Variants in CABIN1 observed in about 807,000 individuals in gnomAD.
CABIN1 encodes calcineurin binding protein 1, also known as calcineurin-binding protein cabin-1.
Under a neutral mutation model 227.7 loss-of-function variants are expected in CABIN1, and 133 were observed. The observed-to-expected ratio is 0.58, with a 90% CI of 0.51 to 0.67. The LOEUF (loss-of-function observed/expected upper bound fraction) is 0.67. Among genes scored for constraint, CABIN1 ranks in the 30% least tolerant of loss-of-function variants. The probability of loss-of-function intolerance (pLI) is 0.00; values close to 1 mark genes in which losing one functional copy is unlikely to be tolerated. For missense variants in CABIN1, 2,408 were observed against 2,852.5 expected (o/e 0.84, Z 3.55); for synonymous variants, 1,086 against 1,155.1 (o/e 0.94, Z 1.21).
At chr22:24,108,792 C>T (rs2042652239) in intron 26 of CABIN1, among the ~76,000 whole-genome samples, 1 of 152,174 alleles carries the variant, frequency 6.6e-6, no homozygotes, top group Admixed American at 6.5e-5. Context: ...CTTTGACAGG[C>T]CTGTTGTGTC....
chr22:24,041,425 T>G, intron 5 of CABIN1, 152 bp downstream of exon 5: 1 of 957,406 alleles, frequency 1.0e-6, no homozygotes, highest in South Asian at 1.4e-5. Context: ...CCATAGGTGA[T>G]AACAATTAGT....
At chr22:24,126,030 A>G (rs2043702812) in intron 28 of CABIN1, among the ~76,000 whole-genome samples, 1 of 152,174 alleles carries the variant, frequency 6.6e-6, no homozygotes, top group South Asian at 2.1e-4. Context: ...TTTATTACCA[A>G]TAATATTGTT....
intron 1 of CABIN1, among the ~76,000 whole-genome samples, chr22:24,014,120 A>C (rs968041822): frequency 2.6e-5 from 4 of 152,226 alleles, no homozygotes; most frequent in African/African-American, 9.6e-5. Flanking sequence ...CTCGTTCTCC[A>C]CAAATTTGCT....
rs372502943 is a variant in CABIN1 at position 24,084,598 on chromosome 22, A to T, written c.2930A>T (p.Asp977Val). 6.2e-7 allele frequency: 1 copy of T among 1,613,094 alleles called. No homozygotes were observed. Among genetic ancestry groups the T allele is most frequent in the Non-Finnish European group, 8.5e-7 (1 of 1,179,694 alleles). Reference protein sequence around the residue: ...SAQQVDLIWEDALFMFEYFKP... With the variant: ...SAQQVDLIWEVALFMFEYFKP... ...TTCAAGGTGGATCTTATATGGGAGGATGCACTGTTCATGTTTGAGTATTTT... is the reference window on the plus strand; with the variant it reads ...TTCAAGGTGGATCTTATATGGGAGGTTGCACTGTTCATGTTTGAGTATTTT... Residue 977 changes from aspartate (D) to valine (V), a missense_variant, in exon 21 of 37, where the codon GAT becomes GTT. Transcript: ENST00000263119.
At chr22:24,166,408 G>A (rs930697055) in intron 31 of CABIN1, among the ~76,000 whole-genome samples, 1 of 152,244 alleles carries the variant, frequency 6.6e-6, no homozygotes, top group Non-Finnish European at 1.5e-5. Context: ...ACCTGGAAGA[G>A]TGTGGTGGGG....
intron 3 of CABIN1, 25 bp from the exon 4 acceptor site, chr22:24,038,323 A>C (rs1230703853): frequency 6.3e-7 from 1 of 1,582,242 alleles, no homozygotes; most frequent in Non-Finnish European, 8.7e-7. Context: ...TGCTGTATGA[A>C]AACATCTCTT....
intron 7 of CABIN1, 117 bp downstream of exon 7, chr22:24,049,337 C>T (rs986645725): frequency 8.8e-6 from 11 of 1,251,270 alleles, no homozygotes; most frequent in African/African-American, 1.5e-5. Context: ...TGCTCTGGGG[C>T]TTCATGCCCT....
chr22:24,178,411 AGCCATGTGAAGGTGGATTGGTC>A lies in CABIN1; in HGVS notation c.*221_*242del. On this transcript the variant is annotated 3_prime_UTR_variant, in exon 37 of 37. Coordinates refer to ENST00000263119, the MANE Select transcript of CABIN1 (RefSeq NM_012295.4). ...GCCCAGAGGAGGAGGGGCCCGCCTT[AGCCATGTGAAGGTGGATTGGTC>A]GCCATCTGCACGCCAGGCGGCATCC... 1 of 596,908 alleles carries A rather than the reference AGCCATGTGAAGGTGGATTGGTC, an allele frequency of 1.7e-6. No homozygotes were observed. The highest frequency in any genetic ancestry group is 2.9e-6 in the Non-Finnish European group (1 of 339,728). The allele number at this position is 596,908 out of a possible 1,614,324, so 37.0% of individuals were successfully genotyped here.
intron 27 of CABIN1, among the ~76,000 whole-genome samples, chr22:24,115,033 A>G (rs1250542863): frequency 7.9e-5 from 12 of 152,278 alleles, no homozygotes; most frequent in African/African-American, 2.4e-5. Context: ...TGTAACTGAC[A>G]TAAACACACT....
At chr22:24,150,174 G>A (rs2045397966) in intron 29 of CABIN1, among the ~76,000 whole-genome samples, 1 of 152,240 alleles carries the variant, frequency 6.6e-6, no homozygotes, top group African/African-American at 2.4e-5. Flanking sequence ...ACCGCCCTTA[G>A]CTTTACTTTT....
At chr22:24,021,962 G>T (rs763967360) in intron 1 of CABIN1, among the ~76,000 whole-genome samples, 12 of 152,220 alleles carry the variant, frequency 7.9e-5, no homozygotes, top group Non-Finnish European at 1.8e-4. Context: ...TGGGATTACA[G>T]GTGTGAGCCA....
intron 33 of CABIN1, among the ~76,000 whole-genome samples, chr22:24,170,911 CCT>C (rs1431615192): frequency 6.6e-6 from 1 of 152,204 alleles, no homozygotes; most frequent in African/African-American, 2.4e-5. Flanking sequence ...TGGACCCACT[CCT>C]CTGCTCAGCT....
chr22:24,136,521 TGTA>T (rs1447636548), intron 29 of CABIN1, among the ~76,000 whole-genome samples: 1 of 141,470 alleles, frequency 7.1e-6, no homozygotes, highest in Admixed American at 7.2e-5. Context: ...AGCTAATTTT[TGTA>T]TTTTTTTTTT....
chr22:24,099,941 G>C (rs1482538739), intron 26 of CABIN1, among the ~76,000 whole-genome samples: 1 of 152,184 alleles, frequency 6.6e-6, no homozygotes, highest in Non-Finnish European at 1.5e-5. Flanking sequence ...TCAGAAAGGG[G>C]GCCATGATGC....
chr22:24,031,471 A>G (rs1382762195), intron 1 of CABIN1, among the ~76,000 whole-genome samples: 1 of 152,190 alleles, frequency 6.6e-6, no homozygotes, highest in Non-Finnish European at 1.5e-5. Context: ...AAATCTTCCT[A>G]TTCCAAATCC....
At position 24,098,007 on chromosome 22, in the gene CABIN1, C is replaced by T; in HGVS notation, c.3939-7C>T. On this transcript the variant is annotated splice_region_variant and splice_polypyrimidine_tract_variant and intron_variant, in intron 25 of 36. Transcript: ENST00000263119. ...CTGACCTGTGCCCCAAACCTCTGTT[C>T]CCACAGGGAGAAGGCCTGCCTGGTG... is the stretch of plus-strand genomic sequence containing the variant. 6.2e-7 allele frequency: 1 copy of T among 1,614,150 alleles called. No homozygotes were observed. Among genetic ancestry groups the T allele is most frequent in the Non-Finnish European group, 8.5e-7 (1 of 1,180,004 alleles).
intron 36 of CABIN1, 39 bp from the exon 37 acceptor site, chr22:24,178,014 G>A: frequency 1.2e-6 from 2 of 1,611,672 alleles, no homozygotes; most frequent in Non-Finnish European, 1.7e-6. Context: ...GCAGAGCCCA[G>A]CCATCCTTGA....
chr22:24,078,798 A>C (rs571591371), intron 19 of CABIN1, among the ~76,000 whole-genome samples: 43 of 152,310 alleles, frequency 2.8e-4, no homozygotes, highest in African/African-American at 1.0e-3. Flanking sequence ...TAAAAATAAG[A>C]GTTAACAAGA....
At chr22:24,070,382 T>C (rs965431716) in intron 16 of CABIN1, among the ~76,000 whole-genome samples, 1 of 152,190 alleles carries the variant, frequency 6.6e-6, no homozygotes, top group African/African-American at 2.4e-5. Context: ...TCCGCTGAGG[T>C]AGTCCCTCCC....
Sources: allele counts gnomAD v4.1 joint callset (sites outside exome capture counted in the v4.1 genomes callset), GRCh38; gene constraint gnomAD v4.1.1; transcripts MANE v1.5; gene names NCBI Gene and HGNC (gene_info 2026-07-23, HGNC 2026-07-21).